PCDH1: variants seen among roughly 807,000 people sequenced by gnomAD.
PCDH1 encodes protocadherin 1, also known as protocadherin-1.
In PCDH1, 23 loss-of-function variants were observed where a neutral mutation model predicts 74.6. The ratio of observed to expected loss-of-function variants is 0.31; its 90% CI spans 0.22 to 0.44. The LOEUF is 0.44. Ranked by LOEUF, PCDH1 falls within the 20% of genes least tolerant of loss-of-function variation. The pLI, the probability that PCDH1 is intolerant of heterozygous loss-of-function variation, is 1.00. For missense variants in PCDH1, 1,214 were observed against 1,641.4 expected (o/e 0.74, Z 4.50); for synonymous variants, 647 against 686.1 (o/e 0.94, Z 0.89).
At position 141,858,900 on chromosome 5, in the gene PCDH1, C is replaced by T. The variant is rs1233526411; in HGVS notation, c.3100-1429G>A. Among the ~76,000 whole-genome samples the T allele has an allele frequency of 1.3e-5, 2 of 152,060 alleles. 1 individual carries two copies. The highest frequency in any genetic ancestry group is 2.9e-5 in the Non-Finnish European group (2 of 68,004). On this transcript the variant is annotated intron_variant, in intron 3 of 4. Coordinates refer to ENST00000287008, the MANE Select transcript of PCDH1 (RefSeq NM_032420.5). Reference sequence around the variant, plus strand: ...TTGTAGACTTACCCTCCTAATAGCCCCATTCAAGGCAGCTAGGGTGGAAGA... The same window carrying T: ...TTGTAGACTTACCCTCCTAATAGCCTCATTCAAGGCAGCTAGGGTGGAAGA...
rs753606018 is a variant in PCDH1 at position 141,854,029 on chromosome 5, G to T, written c.*13C>A. 4 of 1,484,498 alleles carry T rather than the reference G, an allele frequency of 2.7e-6. No individual in the cohort carries two copies. The South Asian group carries it at 5.7e-5, about 21-fold the overall frequency. 92.0% of individuals were successfully genotyped at this position (1,484,498 alleles called of 1,614,324 possible). A position where few individuals can be genotyped will look rare whatever the true frequency, so the allele number is the denominator to read the frequency against. ...GCGGCTGGGGGAGGGGGGCCGGCCG[G>T]CCAGTAGGGGGCTCACAGGTAGATC... is the stretch of plus-strand genomic sequence containing the variant. On this transcript the variant is annotated 3_prime_UTR_variant, in exon 5 of 5. Coordinates refer to ENST00000287008, the MANE Select transcript of PCDH1 (RefSeq NM_032420.5).
Position 141,860,779 on chromosome 5 carries a change from A to G in PCDH1, c.3099+2453T>C, listed in dbSNP as rs146320264. Among the ~76,000 whole-genome samples the G allele has an allele frequency of 3.3e-3, 508 of 152,346 alleles. 2 individuals are homozygous for G. The highest frequency in any genetic ancestry group is 0.012 in the African/African-American group (492 of 41,582). On this transcript the variant is annotated intron_variant, in intron 3 of 4. Coordinates refer to ENST00000287008, the MANE Select transcript of PCDH1 (RefSeq NM_032420.5). The stretch of plus-strand genomic sequence containing the variant: ...GAGCACTGATTGAACTAATTCACAC[A>G]AAGTGCTTAGCATGGTACCTCACAC...
chr5:141,854,449 G>A lies in PCDH1; in HGVS notation c.3320-13C>T. ...AAAGGGCGAAGGTCTGTAGGAGGGA[G>A]CGGGGAAGGACAATTGTCAGACATA... is the stretch of plus-strand genomic sequence containing the variant. On this transcript the variant is annotated splice_polypyrimidine_tract_variant and intron_variant, in intron 4 of 4. Coordinates refer to ENST00000287008, the MANE Select transcript of PCDH1 (RefSeq NM_032420.5). The A allele has an allele frequency of 1.3e-6, 2 of 1,587,290 alleles. No individual in the cohort carries two copies. Among genetic ancestry groups the A allele is most frequent in the South Asian group, 2.3e-5 (2 of 86,284 alleles).
At chr5:141,867,111 C>T (rs1320582364) in intron 2 of PCDH1, among the ~76,000 whole-genome samples, 1 of 152,242 alleles carries the variant, frequency 6.6e-6, no homozygotes, top group Admixed American at 6.5e-5. Flanking sequence ...CCCAGTCTCC[C>T]TTGGCTCTAG....
chr5:141,877,946 T>A (rs1232157854), intron 1 of PCDH1, among the ~76,000 whole-genome samples: 1 of 152,070 alleles, frequency 6.6e-6, no homozygotes, highest in Admixed American at 6.5e-5. Context: ...TATCCCCGTC[T>A]CTCCGAGCGC....
intron 2 of PCDH1, chr5:141,867,485 T>A (rs1718489276): frequency 2.3e-6 from 1 of 427,240 alleles, no homozygotes; most frequent in South Asian, 1.7e-5. Context: ...ACTGTAAGGA[T>A]TAAATGATAT....
In PCDH1 at chr5:141,864,845, C is replaced by A; in HGVS notation, c.1486G>T (p.Val496Leu). ...LSSTNSLKVQVVDVNDNAPVF... is the reference protein window; with the variant it reads ...LSSTNSLKVQLVDVNDNAPVF... ...GGTGCGTTGTCATTGACGTCCACCA[C>A]CTGCACCTTGAGGGAGTTAGTGCTG... Residue 496 changes from valine to leucine, a missense_variant, in exon 3 of 5, where the codon GTG becomes TTG. Around this residue, in one of 4 missense-constraint regions of PCDH1, gnomAD observed 836 missense variants for 1,182.2 expected, o/e 0.71. Transcript: ENST00000287008. The surrounding 1 kb of genome is among the most constrained non-coding windows in gnomAD (Gnocchi z 5.9). 1 of 1,614,234 alleles carries A rather than the reference C, an allele frequency of 6.2e-7. No individual in the cohort carries two copies. The highest frequency in any genetic ancestry group is 8.5e-7 in the Non-Finnish European group (1 of 1,180,044).
In PCDH1 at chr5:141,869,710, C is replaced by A; in HGVS notation, c.41-279G>T. The A allele has an allele frequency of 6.7e-7, 1 of 1,491,610 alleles. No individual in the cohort carries two copies. Among genetic ancestry groups the A allele is most frequent in the Non-Finnish European group, 8.9e-7 (1 of 1,120,828 alleles). 92.4% of individuals were successfully genotyped at this position (1,491,610 alleles called of 1,614,324 possible). A position where few individuals can be genotyped will look rare whatever the true frequency, so the allele number is the denominator to read the frequency against. ...CCATGGAACACCCTCACCCACCTGA[C>A]GCTCCCTGGGCCCAAGCCCGGCTGC... is the stretch of plus-strand genomic sequence containing the variant. On this transcript the variant is annotated intron_variant, in intron 1 of 4. Transcript: ENST00000287008. This position sits in a 1 kb window ranked among gnomAD's most constrained non-coding sequence, Gnocchi z 4.9.
At chr5:141,870,005 G>C (rs1022706313) in intron 1 of PCDH1, among the ~76,000 whole-genome samples, 1 of 152,218 alleles carries the variant, frequency 6.6e-6, no homozygotes, top group African/African-American at 2.4e-5. Flanking sequence ...AGGTTGGCTG[G>C]AGGGAGAGGG....
Position 141,869,253 on chromosome 5 carries a change from G to T in PCDH1, c.219C>A (p.Leu73=), listed in dbSNP as rs745651948. Residue 73 remains leucine, a synonymous_variant, in exon 2 of 5, where the codon CTC becomes CTA. Transcript: ENST00000287008. This position sits in a 1 kb window ranked among gnomAD's most constrained non-coding sequence, Gnocchi z 4.9. ...KVPEEQPPNT[L]IGSLAADYGF... is the part of the protein sequence containing the mutation. ...CATAGTCGGCTGCGAGGCTCCCAAT[G>T]AGGGTGTTGGGTGGCTGTTCCTCCG... is the stretch of plus-strand genomic sequence containing the variant. 6.8e-6 allele frequency: 11 copies of T among 1,612,808 alleles called. No homozygotes were observed. Among genetic ancestry groups the T allele is most frequent in the Non-Finnish European group, 8.5e-6 (10 of 1,179,518 alleles).
chr5:141,878,233 G>T lies in PCDH1; in HGVS notation c.30C>A (p.Cys10Ter). MDSGAGGRR[C>*]PEAALLILGP... ...CCGCCGGATCCTTACCCGCCTCCGG[G>T]CAGCGCCGGCCGCCCGCCCCGCTGT... Residue 10 changes from cysteine to a stop codon, truncating the protein, a stop_gained, in exon 1 of 5, where the codon TGC (cysteine) becomes TGA (stop). Transcript: ENST00000287008. LOFTEE classifies it high-confidence loss of function. This position sits in a 1 kb window ranked among gnomAD's most constrained non-coding sequence, Gnocchi z 5.5. 1 of 1,387,090 alleles carries T rather than the reference G, an allele frequency of 7.2e-7. No individual in the cohort carries two copies. Among genetic ancestry groups the T allele is most frequent in the Non-Finnish European group, 9.3e-7 (1 of 1,071,558 alleles). 85.9% of individuals were successfully genotyped at this position (1,387,090 alleles called of 1,614,324 possible).
At chr5:141,855,606 C>T (rs776864635) in intron 4 of PCDH1, among the ~76,000 whole-genome samples, 2 of 152,116 alleles carry the variant, frequency 1.3e-5, no homozygotes, top group Non-Finnish European at 2.9e-5. Context: ...CACATGCTCC[C>T]GGTGGTCCTG....
In PCDH1 at chr5:141,857,244, C is replaced by T. The variant is rs199927609; in HGVS notation, c.3319+8G>A. On this transcript the variant is annotated splice_region_variant and intron_variant, in intron 4 of 4. Coordinates refer to ENST00000287008, the MANE Select transcript of PCDH1 (RefSeq NM_032420.5). Reference sequence around the variant, plus strand: ...CTGGGGTGCCCTGACCATGGTGCTGCGCCTCACCATTCTCGGGGTGCTCCA... The same window carrying T: ...CTGGGGTGCCCTGACCATGGTGCTGTGCCTCACCATTCTCGGGGTGCTCCA... The T allele has an allele frequency of 1.5e-4, 240 of 1,558,128 alleles. No homozygotes were observed. Among genetic ancestry groups the T allele is most frequent in the African/African-American group, 3.0e-4 (22 of 73,824 alleles).
intron 1 of PCDH1, among the ~76,000 whole-genome samples, chr5:141,870,042 G>T (rs1356600831): frequency 6.6e-6 from 1 of 152,178 alleles, no homozygotes; most frequent in Non-Finnish European, 1.5e-5. Context: ...TCTTTGTTCT[G>T]AGATGCCAAG....
chr5:141,870,535 T>C (rs1400905239), intron 1 of PCDH1, among the ~76,000 whole-genome samples: 1 of 151,938 alleles, frequency 6.6e-6, no homozygotes, highest in Non-Finnish European at 1.5e-5. Flanking sequence ...CCCTGGCCAC[T>C]CCCCCACCCC....
At position 141,854,392 on chromosome 5, in the gene PCDH1, G is replaced by A; in HGVS notation, c.3364C>T (p.Arg1122Trp). 3.1e-6 allele frequency: 5 copies of A among 1,613,100 alleles called. No individual in the cohort carries two copies. Among genetic ancestry groups the A allele is most frequent in the African/African-American group, 1.3e-5 (1 of 75,024 alleles). The change falls in exon 5 of 5, where the codon CGG becomes TGG. Residue 1122 changes from arginine to tryptophan, a missense_variant. This residue lies in a region of PCDH1 where 194 missense variants were observed against 198.3 expected (regional missense o/e 0.98). Transcript: ENST00000287008. ...GAGTGGCCAAACTCACTGCACTCCC[G>A]GGTACATGTGCCTGTCATGGCGACA... The part of the protein sequence containing the change: ...PDVAMTGTCT[R>W]ECSEFGHSDT...
At chr5:141,874,842 G>A (rs910896706) in intron 1 of PCDH1, among the ~76,000 whole-genome samples, 2 of 152,152 alleles carry the variant, frequency 1.3e-5, no homozygotes, top group Non-Finnish European at 2.9e-5. Flanking sequence ...ACTGTCGCGG[G>A]GAGAGGGGAA....
Position 141,854,331 on chromosome 5 carries a change from C to T in PCDH1, c.3425G>A (p.Ser1142Asn), listed in dbSNP as rs749222254. 2.6e-5 allele frequency: 42 copies of T among 1,613,860 alleles called. No homozygotes were observed. Among genetic ancestry groups the T allele is most frequent in the Non-Finnish European group, 2.0e-5 (24 of 1,179,990 alleles). ...GAGGGCGCTGCTCTTGGTCCGGCGG[C>T]TGGGAGATGACTGGCCAGGCATCCA... ...TCWMPGQSSPSRRTKSSALKL... is the reference protein window; with the variant it reads ...TCWMPGQSSPNRRTKSSALKL... Residue 1142 changes from serine (S) to asparagine (N), a missense_variant, in exon 5 of 5, where the codon AGC becomes AAC. Coordinates refer to ENST00000287008, the MANE Select transcript of PCDH1 (RefSeq NM_032420.5).
In PCDH1 at chr5:141,864,943, G is replaced by T. The variant is rs202081544; in HGVS notation, c.1388C>A (p.Pro463Gln). 1.9e-6 allele frequency: 3 copies of T among 1,613,960 alleles called. No homozygotes were observed. The highest frequency in any genetic ancestry group is 2.5e-6 in the Non-Finnish European group (3 of 1,180,032). Reference protein sequence around the residue: ...KKKYFLQTTTPLDYEKVKDYT... With the variant: ...KKKYFLQTTTQLDYEKVKDYT... Reference sequence around the variant, plus strand: ...GTCTTTGACCTTCTCGTAGTCTAGCGGGGTGGTAGTCTGCAGGAAATACTT... The same window carrying T: ...GTCTTTGACCTTCTCGTAGTCTAGCTGGGTGGTAGTCTGCAGGAAATACTT... The change falls in exon 3 of 5, where the codon CCG becomes CAG. Residue 463 changes from proline to glutamine, a missense_variant. Pro to Gln is a moderately conservative substitution (Grantham distance 76). This residue lies in a region of PCDH1 where 836 missense variants were observed against 1,182.2 expected (regional missense o/e 0.71). Transcript: ENST00000287008. This position sits in a 1 kb window ranked among gnomAD's most constrained non-coding sequence, Gnocchi z 5.9.
Sources: gnomAD v4.1 joint callset for allele counts (sites outside exome capture counted in the v4.1 genomes callset) on GRCh38, gnomAD v4.1.1 for gene constraint, gnomAD v4.1.1 regional missense constraint, Gnocchi (gnomAD v3.1) non-coding constraint, MANE v1.5 for transcripts, NCBI Gene and HGNC (gene_info 2026-07-23, HGNC 2026-07-21) for gene names.